The following EYS variants were observed in gnomAD, a reference collection of about 807,000 sequenced individuals.
EYS encodes the protein EGF-like photoreceptor maintenance factor, also known as protein eyes shut homolog.
A neutral mutation model predicts 282.1 loss-of-function variants in EYS; 250 were observed. The ratio of observed to expected loss-of-function variants is 0.89; its 90% confidence interval spans 0.80 to 0.98. EYS has a LOEUF of 0.98. Among genes scored for constraint, EYS ranks in the 50% least tolerant of loss-of-function variants. The probability of loss-of-function intolerance (pLI) is 0.00; values close to 1 mark genes in which losing one functional copy is unlikely to be tolerated. For missense variants in EYS, 4,016 were observed against 3,709.0 expected (o/e 1.08, Z -2.15); for synonymous variants, 1,355 against 1,282.9 (o/e 1.06, Z -1.20).
intron 22 of EYS, among the ~76,000 whole-genome samples, chr6:64,760,374 C>A (rs775741143): frequency 6.6e-6 from 1 of 152,088 alleles, no homozygotes; most frequent in Non-Finnish European, 1.5e-5. Flanking sequence ...GTCCCAGAAA[C>A]CCCTCAGTCC....
chr6:64,130,037 G>A (rs1773918300), intron 31 of EYS, among the ~76,000 whole-genome samples: 1 of 152,108 alleles, frequency 6.6e-6, no homozygotes, highest in African/African-American at 2.4e-5. Flanking sequence ...CTGTAGCCTT[G>A]TAGTATAGTT....
Position 64,902,518 on chromosome 6 carries a change from T to A in EYS, c.2642-18A>T. 7.2e-7 allele frequency: 1 copy of A among 1,380,534 alleles called. No individual in the cohort carries two copies. The highest frequency in any genetic ancestry group is 9.8e-7 in the Non-Finnish European group (1 of 1,018,948). The allele number at this position is 1,380,534 out of a possible 1,614,324, so 85.5% of individuals were successfully genotyped here. On this transcript the variant is annotated intron_variant, in intron 16 of 42. Transcript: ENST00000503581. ...TTCAAATTCTGCAAAGAGTATGAGA[T>A]GAGTATGGATGAGCAATCCTTGTTA...
intron 19 of EYS, among the ~76,000 whole-genome samples, chr6:64,838,011 A>C (rs59991121): frequency 2.6e-5 from 4 of 151,638 alleles, no homozygotes; most frequent in Non-Finnish European, 5.9e-5. Context: ...TACAAACTTT[A>C]AAAAAACGAA....
intron 22 of EYS, among the ~76,000 whole-genome samples, chr6:64,741,100 G>C (rs554475984): frequency 1.3e-5 from 2 of 152,216 alleles, no homozygotes; most frequent in East Asian, 3.9e-4. Context: ...AGAAATCACT[G>C]CCTATGACAG....
chr6:64,390,353 T>C lies in EYS; in HGVS notation c.5928-1513A>G, dbSNP rs556591803. ...GACAAACAAAAAGACAGCAGTAACC[T>C]CTGCAGACTTAAATGTCCCTGTCTG... On this transcript the variant is annotated intron_variant, in intron 28 of 42. Transcript: ENST00000503581. Among the ~76,000 whole-genome samples, 1,239 of 152,152 alleles carry C rather than the reference T, an allele frequency of 8.1e-3. 19 individuals are homozygous for C. The highest frequency in any genetic ancestry group is 0.049 in the East Asian group (250 of 5,132).
chr6:65,647,979 T>C (rs1383106477), intron 1 of EYS, among the ~76,000 whole-genome samples: 1 of 151,398 alleles, frequency 6.6e-6, no homozygotes, highest in East Asian at 2.0e-4. Context: ...AACCACGATG[T>C]GCTACCATCT....
At chr6:65,159,979 T>C (rs1227325328) in intron 12 of EYS, among the ~76,000 whole-genome samples, 2 of 151,050 alleles carry the variant, frequency 1.3e-5, no homozygotes, top group African/African-American at 4.8e-5. Flanking sequence ...TGATGGGACA[T>C]GGGAAATGAG....
At chr6:64,860,374 G>A (rs538870447) in intron 19 of EYS, among the ~76,000 whole-genome samples, 2 of 152,246 alleles carry the variant, frequency 1.3e-5, no homozygotes, top group Non-Finnish European at 2.9e-5. Context: ...GAGTGGCAAG[G>A]GTTTTGTCAG....
chr6:64,495,355 A>G (rs1776856635), intron 26 of EYS, among the ~76,000 whole-genome samples: 1 of 151,794 alleles, frequency 6.6e-6, no homozygotes, highest in Non-Finnish European at 1.5e-5. Flanking sequence ...CTAAGTGAGG[A>G]TCTCAACTTG....
At chr6:63,774,534 A>G (rs1038078748) in intron 40 of EYS, among the ~76,000 whole-genome samples, 2 of 152,192 alleles carry the variant, frequency 1.3e-5, no homozygotes, top group Non-Finnish European at 2.9e-5. Flanking sequence ...ACTATACAAC[A>G]TGGTGACTAT....
intron 5 of EYS, among the ~76,000 whole-genome samples, chr6:65,414,025 T>A (rs1767131157): frequency 6.6e-6 from 1 of 152,162 alleles, no homozygotes; most frequent in South Asian, 2.1e-4. Context: ...GTTTGTTTTG[T>A]TGGCTGATTT....
intron 36 of EYS, among the ~76,000 whole-genome samples, chr6:63,863,006 C>T (rs1219539590): frequency 6.6e-6 from 1 of 152,192 alleles, no homozygotes; most frequent in Admixed American, 6.5e-5. Context: ...AGTTTTCATA[C>T]CTGCCACATC....
chr6:64,965,212 C>A (rs910849434), intron 14 of EYS, among the ~76,000 whole-genome samples: 6 of 151,976 alleles, frequency 3.9e-5, no homozygotes, highest in African/African-American at 1.4e-4. Flanking sequence ...AAATGATCTG[C>A]ATCCTAGGAG....
intron 12 of EYS, among the ~76,000 whole-genome samples, chr6:65,121,876 C>T (rs1474225879): frequency 1.3e-5 from 2 of 151,930 alleles, no homozygotes; most frequent in East Asian, 1.9e-4. Context: ...TTAGTCTCAC[C>T]TTTACTTATT....
chr6:65,219,879 C>T (rs1178780770), intron 12 of EYS, among the ~76,000 whole-genome samples: 2 of 152,038 alleles, frequency 1.3e-5, no homozygotes, highest in East Asian at 1.9e-4. Flanking sequence ...TCTCATGAGG[C>T]TTATTCACTA....
chr6:63,925,109 T>TA (rs1446926224), intron 35 of EYS, among the ~76,000 whole-genome samples: 1 of 152,202 alleles, frequency 6.6e-6, no homozygotes, highest in African/African-American at 2.4e-5. Context: ...CTCATTTCTG[T>TA]AAAATGAAAC....
intron 12 of EYS, among the ~76,000 whole-genome samples, chr6:65,171,469 T>C (rs1017423066): frequency 3.3e-5 from 5 of 151,570 alleles, no homozygotes; most frequent in African/African-American, 1.2e-4. Flanking sequence ...ATGCTATTCA[T>C]ACTTATGAAG....
rs952456583 is a variant in EYS at position 65,160,368 on chromosome 6, T to C, written c.2024-102641A>G. ...TGAATACTTTGCATATTGTTTTTAA[T>C]TCTTCATGAAACCTTTAATGTAACT... On this transcript the variant is annotated intron_variant, in intron 12 of 42. Coordinates refer to ENST00000503581, the MANE Select transcript of EYS (RefSeq NM_001142800.2). Among the ~76,000 whole-genome samples the C allele has an allele frequency of 6.0e-5, 9 of 151,028 alleles. No homozygotes were observed. In the Admixed American group the frequency reaches 6.0e-4, roughly 10 times the overall value.
At chr6:63,820,798 T>G (rs1312445148) in intron 36 of EYS, among the ~76,000 whole-genome samples, 2 of 152,202 alleles carry the variant, frequency 1.3e-5, no homozygotes, top group Non-Finnish European at 2.9e-5. Context: ...TTGATCTATT[T>G]GTATCTTACT....
Sources: allele counts gnomAD v4.1 joint callset (sites outside exome capture counted in the v4.1 genomes callset), GRCh38; gene constraint gnomAD v4.1.1; transcripts MANE v1.5; gene names NCBI Gene and HGNC (gene_info 2026-07-23, HGNC 2026-07-21).